Variants in RERE observed in about 807,000 individuals in gnomAD.
RERE encodes the protein arginine-glutamic acid dipeptide repeats.
A neutral mutation model predicts 146.1 loss-of-function variants in RERE; 40 were observed. The ratio of observed to expected loss-of-function variants is 0.27; its 90% CI spans 0.21 to 0.36. RERE has a LOEUF of 0.36. Among genes scored for constraint, RERE ranks in the 10% least tolerant of loss-of-function variants. RERE has a pLI of 1.00. For synonymous variants in RERE, 1,003 were observed against 866.0 expected, an observed-to-expected ratio of 1.16 and a Z score of -2.78; for missense variants, 1,933 against 2,138.7, an observed-to-expected ratio of 0.90 and a Z score of 1.90.
At chr1:8,546,572 G>A (rs892117180) in intron 6 of RERE, among the ~76,000 whole-genome samples, 2 of 151,992 alleles carry the variant, frequency 1.3e-5, no homozygotes, top group South Asian at 2.1e-4. Flanking sequence ...TGTAGGCCAG[G>A]TGTGGTGGCT....
At chr1:8,789,793 T>G (rs1306192411) in intron 1 of RERE, among the ~76,000 whole-genome samples, 1 of 152,176 alleles carries the variant, frequency 6.6e-6, no homozygotes, top group Non-Finnish European at 1.5e-5. Context: ...CTGCCTGGAC[T>G]GTCCTAACCT....
chr1:8,396,693 A>C (rs1438797616), intron 12 of RERE, among the ~76,000 whole-genome samples: 1 of 152,190 alleles, frequency 6.6e-6, no homozygotes, highest in Non-Finnish European at 1.5e-5. Flanking sequence ...ACATAAAATT[A>C]ATCATTTTAA....
At chr1:8,497,787 C>T (rs767063252) in intron 8 of RERE, among the ~76,000 whole-genome samples, 25 of 151,972 alleles carry the variant, frequency 1.6e-4, no homozygotes, top group Non-Finnish European at 3.5e-4. Context: ...CAGCATGATA[C>T]CAAGAGTAAA....
intron 1 of RERE, among the ~76,000 whole-genome samples, chr1:8,800,667 TA>T (rs958352820): frequency 6.6e-6 from 1 of 152,050 alleles, no homozygotes; most frequent in Non-Finnish European, 1.5e-5. Flanking sequence ...ATTCCGTCTC[TA>T]AAAAAACTTT....
chr1:8,423,640 C>T lies in RERE; in HGVS notation c.1204-833G>A. ...GCCCGGGGTCCGGGGCGGCAAGAGG[C>T]CGTCGCCTGTCACTGGGCTCCGGCT... On this transcript the variant is annotated intron_variant, in intron 11 of 22. Coordinates refer to ENST00000400908, the MANE Select transcript of RERE (RefSeq NM_001042681.2). This position sits in a 1 kb window ranked among gnomAD's most constrained non-coding sequence, Gnocchi z 5.4. The T allele has an allele frequency of 1.0e-6, 1 of 984,916 alleles. No homozygotes were observed. The highest frequency in any genetic ancestry group is 1.2e-6 in the Non-Finnish European group (1 of 829,776). The allele number at this position is 984,916 out of a possible 1,614,324, so 61.0% of individuals were successfully genotyped here.
chr1:8,629,766 T>C (rs1364889225), intron 2 of RERE, among the ~76,000 whole-genome samples: 1 of 152,156 alleles, frequency 6.6e-6, no homozygotes, highest in African/African-American at 2.4e-5. Flanking sequence ...CAGCCACTGC[T>C]CCACCTCATA....
intron 22 of RERE, 147 bp downstream of exon 22, chr1:8,355,272 C>T: frequency 8.8e-7 from 1 of 1,137,094 alleles, no homozygotes; most frequent in East Asian, 2.5e-5. Context: ...CACCTCCCTT[C>T]CTCTGTTTCT....
In RERE at chr1:8,361,218, C is replaced by A. The variant is rs765940231; in HGVS notation, c.2289G>T (p.Thr763=). ...SAPPGTPQLP[T]PGPTPSATAV... is the part of the protein sequence containing the mutation. ...CAGTGGCAGAGGGCGTGGGCCCTGG[C>A]GTGGGCAGCTGAGGGGTCCCTGGAG... Residue 763 remains threonine, a synonymous_variant, in exon 18 of 23, where the codon ACG becomes ACT. Coordinates refer to ENST00000400908, the MANE Select transcript of RERE (RefSeq NM_001042681.2). 2.4e-5 allele frequency: 37 copies of A among 1,526,812 alleles called. No homozygotes were observed. Among genetic ancestry groups the A allele is most frequent in the Non-Finnish European group, 3.0e-5 (34 of 1,142,126 alleles). 94.6% of individuals were successfully genotyped at this position (1,526,812 alleles called of 1,614,324 possible).
intron 6 of RERE, among the ~76,000 whole-genome samples, chr1:8,555,926 T>C (rs891147902): frequency 6.6e-6 from 1 of 152,224 alleles, no homozygotes; most frequent in African/African-American, 2.4e-5. Flanking sequence ...AGGAAATTTT[T>C]CAGACATACA....
At chr1:8,594,416 T>C (rs1646531135) in intron 4 of RERE, among the ~76,000 whole-genome samples, 2 of 152,166 alleles carry the variant, frequency 1.3e-5, no homozygotes, top group Non-Finnish European at 2.9e-5. Flanking sequence ...AACAAAAATG[T>C]CACAGTCAAC....
At chr1:8,380,326 CAA>C (rs1193668861) in intron 12 of RERE, among the ~76,000 whole-genome samples, 1 of 147,822 alleles carries the variant, frequency 6.8e-6, no homozygotes, top group Non-Finnish European at 1.5e-5. Context: ...ACACAACTCC[CAA>C]AAGTCAACAG....
chr1:8,506,081 T>C (rs1045447571), intron 8 of RERE, among the ~76,000 whole-genome samples: 1 of 151,662 alleles, frequency 6.6e-6, no homozygotes, highest in Non-Finnish European at 1.5e-5. Context: ...ATCTATAAAA[T>C]AAAAGTCTGG....
At chr1:8,771,678 A>C (rs1045614236) in intron 1 of RERE, among the ~76,000 whole-genome samples, 1 of 152,148 alleles carries the variant, frequency 6.6e-6, no homozygotes, top group African/African-American at 2.4e-5. Flanking sequence ...TGGGAGGCCA[A>C]GGCAGGCAGA....
At chr1:8,774,386 T>C (rs1029445000) in intron 1 of RERE, among the ~76,000 whole-genome samples, 1 of 137,626 alleles carries the variant, frequency 7.3e-6, no homozygotes, top group Admixed American at 7.8e-5. Flanking sequence ...AGAGTTTCGC[T>C]CTTGTTGCCC....
At chr1:8,366,234 G>C (rs889824523) in intron 12 of RERE, among the ~76,000 whole-genome samples, 10 of 152,154 alleles carry the variant, frequency 6.6e-5, no homozygotes, top group African/African-American at 2.4e-4. Context: ...AGTACTTGTT[G>C]GGTGTCTGCT....
At chr1:8,696,375 G>T (rs1639330507) in intron 1 of RERE, among the ~76,000 whole-genome samples, 1 of 152,212 alleles carries the variant, frequency 6.6e-6, no homozygotes, top group Non-Finnish European at 1.5e-5. Context: ...CACTATGGGA[G>T]GCAGAGGTGA....
chr1:8,725,562 T>C (rs2124478873), intron 1 of RERE, among the ~76,000 whole-genome samples: 1 of 152,266 alleles, frequency 6.6e-6, no homozygotes, highest in African/African-American at 2.4e-5. Context: ...TGAAATTTTG[T>C]CTCAAAAAAC....
At chr1:8,518,066 G>T (rs1289258291) in intron 7 of RERE, among the ~76,000 whole-genome samples, 1 of 152,226 alleles carries the variant, frequency 6.6e-6, no homozygotes, top group South Asian at 2.1e-4. Flanking sequence ...GAAGAAAGGG[G>T]AAGGGGCAGG....
chr1:8,579,481 T>A (rs886499121), intron 4 of RERE, among the ~76,000 whole-genome samples: 1 of 152,200 alleles, frequency 6.6e-6, no homozygotes, highest in Non-Finnish European at 1.5e-5. Context: ...GAGTTCTAAA[T>A]GGCAGTAAAT....
Sources: gnomAD v4.1 joint callset for allele counts (sites outside exome capture counted in the v4.1 genomes callset) on GRCh38, gnomAD v4.1.1 for gene constraint, Gnocchi (gnomAD v3.1) non-coding constraint, MANE v1.5 for transcripts, NCBI Gene and HGNC (gene_info 2026-07-23, HGNC 2026-07-21) for gene names.